LPXN: variants seen among roughly 807,000 people sequenced by gnomAD.
The protein encoded by LPXN is leupaxin.
Under a neutral mutation model 45.6 loss-of-function variants are expected in LPXN, and 28 were observed. The ratio of observed to expected loss-of-function variants is 0.61; its 90% CI spans 0.45 to 0.84. The LOEUF is 0.84. Among genes scored for constraint, LPXN ranks in the 40% least tolerant of loss-of-function variants. The pLI, the probability that LPXN is intolerant of heterozygous loss-of-function variation, is 0.00. For missense variants in LPXN, 459 were observed against 475.0 expected, an observed-to-expected ratio of 0.97 and a Z score of 0.31; for synonymous variants, 166 against 169.9, an observed-to-expected ratio of 0.98 and a Z score of 0.18.
intron 7 of LPXN, among the ~76,000 whole-genome samples, chr11:58,536,531 C>T (rs919008248): frequency 2.7e-4 from 41 of 152,194 alleles, no homozygotes; most frequent in East Asian, 9.7e-4. Context: ...AAGATTTAAA[C>T]GTAAGACCTA....
At chr11:58,549,910 T>TA (rs764338886) in intron 6 of LPXN, 43 bp from the exon 7 acceptor site, 2 of 1,613,770 alleles carry the variant, frequency 1.2e-6, no homozygotes, top group South Asian at 2.2e-5. Flanking sequence ...GCAGAAGTTG[T>TA]AAAGCATGAC....
Position 58,527,129 on chromosome 11 carries a change from TAAG to T in LPXN, c.*322_*324del, listed in dbSNP as rs939435662. 3.7e-4 allele frequency: 86 copies of T among 235,012 alleles called. No individual in the cohort carries two copies. Among genetic ancestry groups the T allele is most frequent in the African/African-American group, 1.8e-3 (83 of 45,006 alleles). The allele number at this position is 235,012 out of a possible 1,614,324, so 14.6% of individuals were successfully genotyped here. On this transcript the variant is annotated 3_prime_UTR_variant, in exon 9 of 9. Coordinates refer to ENST00000395074, the MANE Select transcript of LPXN (RefSeq NM_004811.3). ...CACTAGAGGTGAAAATGGAGAAACC[TAAG>T]AAAACCAGTGTTGGCATGAATTATG...
At chr11:58,542,143 A>C (rs1436669494) in intron 7 of LPXN, among the ~76,000 whole-genome samples, 2 of 152,030 alleles carry the variant, frequency 1.3e-5, no homozygotes, top group Non-Finnish European at 2.9e-5. Context: ...ATACATATGT[A>C]ACTAACCTGC....
intron 7 of LPXN, among the ~76,000 whole-genome samples, chr11:58,540,699 G>T (rs1176510273): frequency 6.6e-6 from 1 of 152,108 alleles, no homozygotes; most frequent in African/African-American, 2.4e-5. Context: ...TGAGGTATAA[G>T]AACTTTCTCT....
intron 7 of LPXN, among the ~76,000 whole-genome samples, chr11:58,544,769 G>A (rs947392954): frequency 1.3e-5 from 2 of 152,140 alleles, no homozygotes; most frequent in Admixed American, 1.3e-4. Flanking sequence ...TTTATACTCT[G>A]GTGAGGCTCT....
In LPXN at chr11:58,533,942, G is replaced by A. The variant is rs149326389; in HGVS notation, c.743-5751C>T. 2.1e-3 allele frequency among the ~76,000 whole-genome samples: 322 copies of A among 152,198 alleles called. 8 individuals are homozygous for A. The East Asian group carries it at 0.051, about 24-fold the overall frequency. ...GAGACAAAGATGGGCATTACATAAT[G>A]GTAAAGGGATTAATGCAACAGGAAG... On this transcript the variant is annotated intron_variant, in intron 7 of 8. Transcript: ENST00000395074.
chr11:58,564,165 T>G lies in LPXN; in HGVS notation c.208A>C (p.Asn70His), dbSNP rs1162830706. The change falls in exon 3 of 9, where the codon AAT becomes CAT. Residue 70 changes from asparagine to histidine, a missense_variant. Coordinates refer to ENST00000395074, the MANE Select transcript of LPXN (RefSeq NM_004811.3). ...LVYTTNIQEL[N>H]VYSEAQEPKE... is the part of the protein sequence containing the mutation. ...TAGAAAAAAAAATACCTGTAGACATTGAGCTCCTGGATATTGGTAGTATAC... is the reference window on the plus strand; with the variant it reads ...TAGAAAAAAAAATACCTGTAGACATGGAGCTCCTGGATATTGGTAGTATAC... The G allele has an allele frequency of 2.5e-6, 4 of 1,597,932 alleles. No individual in the cohort carries two copies. The highest frequency in any genetic ancestry group is 3.4e-6 in the Non-Finnish European group (4 of 1,169,616).
At chr11:58,577,117 A>G (rs1379025950), upstream of LPXN, among the ~76,000 whole-genome samples, 3 of 151,944 alleles carry the variant, frequency 2.0e-5, no homozygotes, top group African/African-American at 7.3e-5. Flanking sequence ...TTTTTAGGGA[A>G]TAATTCATTC....
intron 7 of LPXN, among the ~76,000 whole-genome samples, chr11:58,529,009 T>A (rs1189633419): frequency 2.0e-5 from 3 of 152,196 alleles, no homozygotes; most frequent in Non-Finnish European, 4.4e-5. Flanking sequence ...AGTTTTGATT[T>A]GTATTTCCCG....
intron 2 of LPXN, among the ~76,000 whole-genome samples, chr11:58,568,073 C>T (rs1273861474): frequency 1.3e-5 from 2 of 152,166 alleles, no homozygotes; most frequent in African/African-American, 4.8e-5. Flanking sequence ...ACCCACCACA[C>T]GACCACATGA....
At chr11:58,546,955 G>A (rs1391305645) in intron 7 of LPXN, among the ~76,000 whole-genome samples, 1 of 152,134 alleles carries the variant, frequency 6.6e-6, no homozygotes, top group African/African-American at 2.4e-5. Context: ...TGTGCTATGA[G>A]TGCCCCATCA....
chr11:58,544,976 T>G (rs748354025), intron 7 of LPXN, among the ~76,000 whole-genome samples: 10 of 152,168 alleles, frequency 6.6e-5, no homozygotes, highest in Non-Finnish European at 1.5e-4. Context: ...GAGGTTAAAC[T>G]GTCATTATAG....
intron 7 of LPXN, among the ~76,000 whole-genome samples, chr11:58,542,217 AT>A (rs1322055740): frequency 6.9e-6 from 1 of 144,396 alleles, no homozygotes; most frequent in Non-Finnish European, 1.5e-5. Flanking sequence ...AAGAAAAAAA[AT>A]AATAATATGT....
intron 8 of LPXN, 54 bp downstream of exon 8, chr11:58,527,989 G>T: frequency 6.4e-7 from 1 of 1,573,910 alleles, no homozygotes; most frequent in Non-Finnish European, 8.6e-7. Flanking sequence ...CTTCCTCTCA[G>T]AGAGGAGAAC....
At chr11:58,567,022 GTA>G (rs201722099) in intron 2 of LPXN, among the ~76,000 whole-genome samples, 22 of 144,624 alleles carry the variant, frequency 1.5e-4, no homozygotes, top group Middle Eastern at 3.4e-3. Flanking sequence ...GTGTGTGTGT[GTA>G]TATATATATT....
chr11:58,574,686 CAA>C (rs1222682450), intron 1 of LPXN, among the ~76,000 whole-genome samples: 1 of 152,000 alleles, frequency 6.6e-6, no homozygotes, highest in African/African-American at 2.4e-5. Flanking sequence ...ACCCCAAGTC[CAA>C]AAAAGAGTCT....
intron 1 of LPXN, among the ~76,000 whole-genome samples, chr11:58,572,383 T>G (rs1275938179): frequency 2.0e-5 from 3 of 151,914 alleles, no homozygotes; most frequent in Admixed American, 2.0e-4. Context: ...ATAAGCAAAC[T>G]GAACTAAACT....
upstream of LPXN, chr11:58,578,213 CCGGATGTA>C (rs898123434): frequency 1.6e-5 from 14 of 852,646 alleles, no homozygotes; most frequent in African/African-American, 2.1e-4. Context: ...ACGCTTGAGC[CCGGATGTA>C]CGGCACGCGT....
intron 1 of LPXN, among the ~76,000 whole-genome samples, chr11:58,575,324 T>C (rs930413144): frequency 7.9e-5 from 12 of 152,180 alleles, no homozygotes; most frequent in South Asian, 6.3e-4. Context: ...CTCATTCTTA[T>C]ACTTCTAGTC....
Sources: allele counts gnomAD v4.1 joint callset (sites outside exome capture counted in the v4.1 genomes callset), GRCh38; gene constraint gnomAD v4.1.1; transcripts MANE v1.5; gene names NCBI Gene and HGNC (gene_info 2026-07-23, HGNC 2026-07-21).